LRRC4C: variants seen among roughly 807,000 people sequenced by gnomAD.
The protein encoded by LRRC4C is leucine-rich repeat-containing protein 4C.
Under a neutral mutation model 33.6 loss-of-function variants are expected in LRRC4C, and 5 were observed. That is an observed-to-expected ratio of 0.15 (90% CI 0.08 to 0.31). The LOEUF is 0.31. LRRC4C is among the 10% of genes least tolerant of loss of function. LRRC4C has a pLI of 1.00. For missense variants in LRRC4C, 560 were observed against 796.7 expected (o/e 0.70, Z 3.58); for synonymous variants, 329 against 302.0 (o/e 1.09, Z -0.93).
chr11:41,210,669 C>T (rs1179505246), intron 1 of LRRC4C, among the ~76,000 whole-genome samples: 3 of 152,098 alleles, frequency 2.0e-5, no homozygotes, highest in African/African-American at 4.8e-5. Flanking sequence ...ATATTGTCGG[C>T]ATCTATTTCT....
At chr11:40,666,184 T>C (rs575850793) in intron 2 of LRRC4C, among the ~76,000 whole-genome samples, 2 of 152,254 alleles carry the variant, frequency 1.3e-5, no homozygotes, top group South Asian at 2.1e-4. Flanking sequence ...CAAATCACTA[T>C]GCAAAATTTC....
chr11:40,416,792 C>A (rs1191650221), intron 3 of LRRC4C, among the ~76,000 whole-genome samples: 3 of 152,086 alleles, frequency 2.0e-5, no homozygotes, highest in Non-Finnish European at 4.4e-5. Flanking sequence ...ATAAATGGAC[C>A]ACTTTTTCTG....
intron 2 of LRRC4C, among the ~76,000 whole-genome samples, chr11:40,662,662 G>A (rs553939772): frequency 6.6e-6 from 1 of 152,288 alleles, no homozygotes; most frequent in Non-Finnish European, 1.5e-5. Context: ...TTGTCTAAGT[G>A]CAGTAGTGGT....
intron 3 of LRRC4C, among the ~76,000 whole-genome samples, chr11:40,387,353 A>T (rs1949151462): frequency 6.6e-6 from 1 of 152,140 alleles, no homozygotes; most frequent in Non-Finnish European, 1.5e-5. Context: ...TGATTCAGAT[A>T]CCCACAGATG....
At chr11:40,593,312 G>A (rs1413577137) in intron 3 of LRRC4C, among the ~76,000 whole-genome samples, 1 of 152,142 alleles carries the variant, frequency 6.6e-6, no homozygotes, top group East Asian at 1.9e-4. Flanking sequence ...TAGAGTATGG[G>A]CTAATAACCT....
intron 1 of LRRC4C, among the ~76,000 whole-genome samples, chr11:41,285,899 G>T (rs556347583): frequency 1.3e-5 from 2 of 151,810 alleles, no homozygotes; most frequent in African/African-American, 4.8e-5. Context: ...GCATGATCTC[G>T]GCTCATTGCA....
At chr11:40,330,845 T>C (rs1198440569) in intron 3 of LRRC4C, among the ~76,000 whole-genome samples, 2 of 152,118 alleles carry the variant, frequency 1.3e-5, no homozygotes, top group African/African-American at 4.8e-5. Flanking sequence ...CCAAACCATA[T>C]CACCTCTCTT....
intron 4 of LRRC4C, among the ~76,000 whole-genome samples, chr11:40,281,137 C>CT (rs1943447703): frequency 6.6e-6 from 1 of 152,178 alleles, no homozygotes; most frequent in Non-Finnish European, 1.5e-5. Context: ...CTGCTGGAAA[C>CT]TATTGCCATG....
chr11:40,758,235 T>C (rs773185480), intron 2 of LRRC4C, among the ~76,000 whole-genome samples: 27 of 152,020 alleles, frequency 1.8e-4, no homozygotes, highest in East Asian at 3.9e-4. Flanking sequence ...CTATGTTCTA[T>C]TGAGTAACTG....
chr11:41,112,218 G>T (rs115681383), intron 1 of LRRC4C, among the ~76,000 whole-genome samples: 2,562 of 152,130 alleles, frequency 0.017, 69 homozygotes, highest in African/African-American at 0.058. Context: ...ATCCAATGAG[G>T]TAAGTTCCTC....
At chr11:40,225,202 C>T (rs932410595) in intron 5 of LRRC4C, among the ~76,000 whole-genome samples, 11 of 152,156 alleles carry the variant, frequency 7.2e-5, no homozygotes, top group Non-Finnish European at 1.2e-4. Flanking sequence ...AAACTTTTGT[C>T]GTGAATTGGC....
chr11:40,346,537 C>A (rs955315542), intron 3 of LRRC4C, among the ~76,000 whole-genome samples: 1 of 151,870 alleles, frequency 6.6e-6, no homozygotes, highest in Non-Finnish European at 1.5e-5. Context: ...CAACAGACAC[C>A]GAGGCCTATC....
At chr11:40,762,707 G>T (rs1256508169) in intron 2 of LRRC4C, among the ~76,000 whole-genome samples, 1 of 152,016 alleles carries the variant, frequency 6.6e-6, no homozygotes, top group Non-Finnish European at 1.5e-5. Flanking sequence ...AAGTTGACTT[G>T]CTTGAGTAGT....
At chr11:40,491,396 C>T (rs907744479) in intron 3 of LRRC4C, among the ~76,000 whole-genome samples, 1 of 152,166 alleles carries the variant, frequency 6.6e-6, no homozygotes, top group Non-Finnish European at 1.5e-5. Flanking sequence ...GCCATTTCCA[C>T]AGGTCAGGAA....
intron 2 of LRRC4C, among the ~76,000 whole-genome samples, chr11:40,833,263 TTGCTTA>T (rs1478365560): frequency 6.6e-6 from 1 of 152,102 alleles, no homozygotes; most frequent in Non-Finnish European, 1.5e-5. Flanking sequence ...AGAATTGAAA[TTGCTTA>T]TACAGATAAG....
At chr11:40,957,654 T>C (rs1400536939) in intron 1 of LRRC4C, among the ~76,000 whole-genome samples, 2 of 151,700 alleles carry the variant, frequency 1.3e-5, no homozygotes, top group Non-Finnish European at 2.9e-5. Flanking sequence ...TACTAGAAAT[T>C]ATACAGCATA....
At chr11:40,907,799 T>C (rs563740260) in intron 2 of LRRC4C, among the ~76,000 whole-genome samples, 8 of 152,240 alleles carry the variant, frequency 5.3e-5, no homozygotes, top group Non-Finnish European at 1.2e-4. Context: ...CAATGTGGCT[T>C]CTCTAAGTCG....
intron 1 of LRRC4C, among the ~76,000 whole-genome samples, chr11:41,246,276 G>A (rs529446346): frequency 6.6e-6 from 1 of 152,164 alleles, no homozygotes; most frequent in African/African-American, 2.4e-5. Context: ...GCAGCAGGGG[G>A]CTAGTGTGTG....
At chr11:40,804,665 C>A (rs1951172542) in intron 2 of LRRC4C, among the ~76,000 whole-genome samples, 2 of 152,158 alleles carry the variant, frequency 1.3e-5, no homozygotes, top group African/African-American at 4.8e-5. Context: ...TTGGATAAAT[C>A]ATAAGCCAGT....
Sources: allele counts gnomAD v4.1 joint callset (sites outside exome capture counted in the v4.1 genomes callset), GRCh38; gene constraint gnomAD v4.1.1; transcripts MANE v1.5; gene names NCBI Gene and HGNC (gene_info 2026-07-23, HGNC 2026-07-21).